TFEC: variants seen among roughly 807,000 people sequenced by gnomAD.
The protein encoded by TFEC is class E basic helix-loop-helix protein 34.
TFEC carries 31 observed loss-of-function variants against 41.6 expected under a neutral mutation model. The ratio of observed to expected loss-of-function variants is 0.74; its 90% CI spans 0.56 to 1.01. The LOEUF (loss-of-function observed/expected upper bound fraction) is 1.01, where lower values mean the gene tolerates loss of function less well. Among genes scored for constraint, TFEC ranks in the 50% least tolerant of loss-of-function variants. TFEC has a pLI of 0.00. For missense variants in TFEC, 402 were observed against 404.1 expected, an observed-to-expected ratio of 0.99 and a Z score of 0.04; for synonymous variants, 143 against 140.6, an observed-to-expected ratio of 1.02 and a Z score of -0.12.
chr7:116,082,389 G>A (rs1007600341), intron 3 of TFEC, among the ~76,000 whole-genome samples: 1 of 151,894 alleles, frequency 6.6e-6, no homozygotes, highest in Non-Finnish European at 1.5e-5. Context: ...GTATCTAAGA[G>A]CTCTTAAAAT....
exon 3 of TFEC, chr7:116,110,736 T>C (rs1305470745): frequency 2.0e-6 from 3 of 1,525,478 alleles, no homozygotes; most frequent in Non-Finnish European, 1.8e-6. Flanking sequence ...TTGACTTGAA[T>C]AAATTTGTGG....
chr7:116,055,129 A>C (rs906889960), intron 3 of TFEC, among the ~76,000 whole-genome samples: 1 of 152,142 alleles, frequency 6.6e-6, no homozygotes, highest in South Asian at 2.1e-4. Flanking sequence ...AGTTTAGTGA[A>C]TAAGTTCAAT....
At chr7:115,946,143 C>A (rs1292866761) in intron 6 of TFEC, among the ~76,000 whole-genome samples, 3 of 151,412 alleles carry the variant, frequency 2.0e-5, no homozygotes, top group Non-Finnish European at 4.4e-5. Flanking sequence ...TTTATAAAAA[C>A]ACAGGCATAT....
At chr7:115,947,847 C>A (rs1284040033) in intron 6 of TFEC, among the ~76,000 whole-genome samples, 3 of 151,786 alleles carry the variant, frequency 2.0e-5, no homozygotes, top group Admixed American at 6.6e-5. Flanking sequence ...TAACTAAAAT[C>A]AGAGCAGAAC....
At position 115,956,728 on chromosome 7, in the gene TFEC, A is replaced by G. The variant is rs1167139930; in HGVS notation, c.333T>C (p.Leu111=). 6.2e-7 allele frequency: 1 copy of G among 1,610,796 alleles called. No homozygotes were observed. Among genetic ancestry groups the G allele is most frequent in the Non-Finnish European group, 8.5e-7 (1 of 1,178,080 alleles). ...GACTACTTGGACAAGAAGCACTTGTAAGCCCCATGTTAATTGGTGAAATTC... is the reference window on the plus strand; with the variant it reads ...GACTACTTGGACAAGAAGCACTTGTGAGCCCCATGTTAATTGGTGAAATTC... ...EQGISPINMG[L]TSASCPSSLP... The change falls in exon 4 of 8, where the codon CTT becomes CTC. Residue 111 remains leucine, a synonymous_variant. Transcript: ENST00000265440.
At chr7:115,987,728 G>C (rs1379316289) in intron 1 of TFEC, among the ~76,000 whole-genome samples, 1 of 151,872 alleles carries the variant, frequency 6.6e-6, no homozygotes, top group Non-Finnish European at 1.5e-5. Flanking sequence ...ACAGACAGCA[G>C]GCACACAAAA....
intron 1 of TFEC, among the ~76,000 whole-genome samples, chr7:115,996,158 T>C (rs1017144581): frequency 2.0e-5 from 3 of 152,076 alleles, no homozygotes; most frequent in African/African-American, 7.2e-5. Flanking sequence ...GCACAGCTCA[T>C]AGCACCAGGA....
chr7:116,017,962 T>C (rs576816726), intron 1 of TFEC, among the ~76,000 whole-genome samples: 2 of 137,446 alleles, frequency 1.5e-5, no homozygotes, highest in East Asian at 4.1e-4. Context: ...TCTTTATTTA[T>C]TATTGGACAT....
At chr7:115,942,615 T>A (rs1219108216) in intron 6 of TFEC, among the ~76,000 whole-genome samples, 9 of 152,142 alleles carry the variant, frequency 5.9e-5, no homozygotes. Flanking sequence ...TCAGTCATTT[T>A]TTTTCTATAC....
chr7:116,059,328 C>A (rs1424473947), intron 3 of TFEC, among the ~76,000 whole-genome samples: 1 of 151,796 alleles, frequency 6.6e-6, no homozygotes, highest in Non-Finnish European at 1.5e-5. Flanking sequence ...ATAATCTATA[C>A]CTGTTAAATA....
chr7:116,131,584 A>G (rs986351151), intron 1 of TFEC, among the ~76,000 whole-genome samples: 4 of 152,196 alleles, frequency 2.6e-5, no homozygotes, highest in Non-Finnish European at 5.9e-5. Flanking sequence ...TGCCTCATAG[A>G]AAGAGTCCTC....
intron 3 of TFEC, among the ~76,000 whole-genome samples, chr7:116,081,015 G>GTGTGTA (rs1562962557): frequency 2.0e-5 from 3 of 147,796 alleles, no homozygotes; most frequent in Non-Finnish European, 4.5e-5. Context: ...GTGTGTGTGT[G>GTGTGTA]TATAAATATA....
intron 1 of TFEC, among the ~76,000 whole-genome samples, chr7:116,007,251 C>T (rs1794834593): frequency 6.6e-6 from 1 of 152,106 alleles, no homozygotes; most frequent in Non-Finnish European, 1.5e-5. Flanking sequence ...GTATCACTCT[C>T]TGATAATAGC....
At chr7:116,037,869 C>T (rs1001326798) in intron 3 of TFEC, among the ~76,000 whole-genome samples, 1 of 151,988 alleles carries the variant, frequency 6.6e-6, no homozygotes, top group Non-Finnish European at 1.5e-5. Context: ...TAACAAGAAG[C>T]ATGTCAGGCA....
At chr7:115,952,836 G>A (rs1349497014) in intron 5 of TFEC, among the ~76,000 whole-genome samples, 1 of 152,058 alleles carries the variant, frequency 6.6e-6, no homozygotes, top group Non-Finnish European at 1.5e-5. Flanking sequence ...AATATTTAGA[G>A]GAAGCACTCT....
intron 1 of TFEC, among the ~76,000 whole-genome samples, chr7:116,150,848 T>C (rs1172147079): frequency 2.0e-5 from 3 of 152,184 alleles, no homozygotes; most frequent in Non-Finnish European, 4.4e-5. Flanking sequence ...ACCCACATCA[T>C]ATTTGTTTAT....
At chr7:116,109,795 A>T (rs1274699948) in intron 3 of TFEC, among the ~76,000 whole-genome samples, 1 of 152,202 alleles carries the variant, frequency 6.6e-6, no homozygotes, top group African/African-American at 2.4e-5. Flanking sequence ...TTGCGGCACC[A>T]TTCACAATAG....
At chr7:115,985,006 A>C (rs1793787830) in intron 1 of TFEC, among the ~76,000 whole-genome samples, 1 of 150,178 alleles carries the variant, frequency 6.7e-6, no homozygotes, top group Non-Finnish European at 1.5e-5. Context: ...TTAAGTGTGA[A>C]ACTGTATGGG....
chr7:116,142,561 G>A (rs1040858620), intron 1 of TFEC, among the ~76,000 whole-genome samples: 8 of 152,154 alleles, frequency 5.3e-5, no homozygotes, highest in Non-Finnish European at 8.8e-5. Flanking sequence ...ACTTAGAGAA[G>A]TCAAATGAGT....
Sources: allele counts gnomAD v4.1 joint callset (sites outside exome capture counted in the v4.1 genomes callset), GRCh38; gene constraint gnomAD v4.1.1; transcripts MANE v1.5; gene names NCBI Gene and HGNC (gene_info 2026-07-23, HGNC 2026-07-21).